Variants in DENND1B observed in about 807,000 individuals in gnomAD.
DENND1B encodes DENN domain containing 1B, also known as DENN domain-containing protein 1B.
DENND1B carries 59 observed loss-of-function variants against 90.1 expected under a neutral mutation model. The ratio of observed to expected loss-of-function variants is 0.65; its 90% CI spans 0.53 to 0.81. DENND1B has a LOEUF of 0.81. DENND1B is among the 40% of genes least tolerant of loss of function. The probability of loss-of-function intolerance (pLI) is 0.00; values close to 1 mark genes in which losing one functional copy is unlikely to be tolerated. For missense variants in DENND1B, 862 were observed against 912.6 expected (o/e 0.94, Z 0.71); for synonymous variants, 337 against 324.6 (o/e 1.04, Z -0.41).
chr1:197,754,039 C>A (rs866683516), intron 2 of DENND1B, among the ~76,000 whole-genome samples: 10 of 151,404 alleles, frequency 6.6e-5, no homozygotes, highest in African/African-American at 2.4e-4. Flanking sequence ...AAAATAAATT[C>A]TATTTTTAAA....
At chr1:197,544,807 A>AGAAGAG (rs1315743776) in intron 18 of DENND1B, among the ~76,000 whole-genome samples, 1 of 148,690 alleles carries the variant, frequency 6.7e-6, no homozygotes, top group African/African-American at 2.5e-5. Context: ...AGGAAGAAGA[A>AGAAGAG]GAAGAGGAAG....
intron 10 of DENND1B, among the ~76,000 whole-genome samples, chr1:197,622,440 A>G (rs1164338094): frequency 6.6e-6 from 1 of 151,490 alleles, no homozygotes; most frequent in African/African-American, 2.4e-5. Flanking sequence ...ACTGCCTTCA[A>G]TATACAAAGA....
At chr1:197,595,817 T>C (rs1185542707) in intron 13 of DENND1B, among the ~76,000 whole-genome samples, 1 of 152,134 alleles carries the variant, frequency 6.6e-6, no homozygotes, top group Admixed American at 6.6e-5. Context: ...GTTTTTGTCA[T>C]TATGAGATAA....
At chr1:197,691,872 A>G (rs1657923264) in intron 3 of DENND1B, among the ~76,000 whole-genome samples, 1 of 151,992 alleles carries the variant, frequency 6.6e-6, no homozygotes, top group Non-Finnish European at 1.5e-5. Context: ...AAAGACAAAT[A>G]CTGCATGATT....
chr1:197,765,072 C>T (rs535695164), intron 2 of DENND1B, among the ~76,000 whole-genome samples: 7 of 152,312 alleles, frequency 4.6e-5, no homozygotes, highest in Middle Eastern at 6.8e-3. Context: ...TGTTATTCTA[C>T]TCTTCTCTTA....
rs1279083310 is a variant in DENND1B at position 197,592,758 on chromosome 1, G to A, written c.1047+2450C>T. 5.3e-5 allele frequency among the ~76,000 whole-genome samples: 8 copies of A among 152,226 alleles called. 1 individual carries two copies. In the South Asian group the frequency reaches 1.7e-3, roughly 32 times the overall value. On this transcript the variant is annotated intron_variant, in intron 14 of 22. Coordinates refer to ENST00000620048, the MANE Select transcript of DENND1B (RefSeq NM_001195215.2). Reference sequence around the variant, plus strand: ...GGCCTTGAATGCCAGGTGAAGAGATGGCACCTGAGACTGATCTGTCATTGG... The same window carrying A: ...GGCCTTGAATGCCAGGTGAAGAGATAGCACCTGAGACTGATCTGTCATTGG...
At chr1:197,695,337 G>T (rs1036614148) in intron 3 of DENND1B, among the ~76,000 whole-genome samples, 1 of 150,718 alleles carries the variant, frequency 6.6e-6, no homozygotes, top group African/African-American at 2.4e-5. Flanking sequence ...CCACTATAGT[G>T]GTTGTATGTA....
chr1:197,625,990 C>G (rs1257835941), intron 10 of DENND1B, among the ~76,000 whole-genome samples: 1 of 152,110 alleles, frequency 6.6e-6, no homozygotes, highest in Non-Finnish European at 1.5e-5. Flanking sequence ...AATACATATG[C>G]ACCCAATACA....
At chr1:197,771,622 G>T (rs1656628465) in intron 2 of DENND1B, among the ~76,000 whole-genome samples, 1 of 152,112 alleles carries the variant, frequency 6.6e-6, no homozygotes, top group African/African-American at 2.4e-5. Context: ...ACCACAACTG[G>T]GTTGGGCTTC....
chr1:197,577,382 C>T (rs1358428811), intron 15 of DENND1B, among the ~76,000 whole-genome samples: 1 of 152,018 alleles, frequency 6.6e-6, no homozygotes, highest in African/African-American at 2.4e-5. Flanking sequence ...ATACAGCCAC[C>T]CCCCATACTC....
rs182905098 is a variant in DENND1B, at chr1:197,537,639, G to A, written c.1515+2325C>T. On this transcript the variant is annotated intron_variant, in intron 20 of 22. Transcript: ENST00000620048. ...GCAGTAATCATTTCGTTATGTATAT[G>A]TATATCAAAACATCATGTTATACAC... 1.2e-3 allele frequency among the ~76,000 whole-genome samples: 175 copies of A among 151,924 alleles called. 1 individual carries two copies. Among genetic ancestry groups the A allele is most frequent in the Admixed American group, 1.6e-3 (25 of 15,256 alleles).
rs536326424 is a variant in DENND1B at position 197,549,191 on chromosome 1, A to C, written c.1241-2418T>G. 2.0e-5 allele frequency among the ~76,000 whole-genome samples: 3 copies of C among 152,236 alleles called. No homozygotes were observed. The South Asian group carries it at 6.2e-4, about 32-fold the overall frequency. On this transcript the variant is annotated intron_variant, in intron 16 of 22. Transcript: ENST00000620048. ...TGATTTTCTCACACTTAAGGACAAAATATCTATTTCTCATTTATGCCAAGA... is the reference window on the plus strand; with the variant it reads ...TGATTTTCTCACACTTAAGGACAAACTATCTATTTCTCATTTATGCCAAGA...
intron 11 of DENND1B, among the ~76,000 whole-genome samples, chr1:197,616,071 T>C (rs912387066): frequency 6.6e-6 from 1 of 151,014 alleles, no homozygotes; most frequent in African/African-American, 2.4e-5. Flanking sequence ...TTACAGATAA[T>C]TGAACTTAAT....
chr1:197,763,627 CTTAA>C (rs1393393610), intron 2 of DENND1B, among the ~76,000 whole-genome samples: 1 of 152,170 alleles, frequency 6.6e-6, no homozygotes, highest in Admixed American at 6.6e-5. Context: ...ATTCTTTACT[CTTAA>C]TTATTCACAC....
chr1:197,590,257 C>T lies in DENND1B; in HGVS notation c.1047+4951G>A, dbSNP rs564777729. Among the ~76,000 whole-genome samples, 10 of 152,066 alleles carry T rather than the reference C, an allele frequency of 6.6e-5. No homozygotes were observed. In the South Asian group the frequency reaches 1.0e-3, roughly 16 times the overall value. On this transcript the variant is annotated intron_variant, in intron 14 of 22. Coordinates refer to ENST00000620048, the MANE Select transcript of DENND1B (RefSeq NM_001195215.2). ...CATCATTACTTTTTTTTAACAAATG[C>T]GAACACCAAAGCACTAATAGGTTAA...
upstream of DENND1B, among the ~76,000 whole-genome samples, chr1:197,777,834 C>G (rs1049348533): frequency 4.0e-5 from 6 of 151,892 alleles, no homozygotes; most frequent in Admixed American, 3.9e-4. Flanking sequence ...TTAAATGTTT[C>G]AAGACTTAAA....
intron 6 of DENND1B, among the ~76,000 whole-genome samples, chr1:197,653,306 G>A (rs759145569): frequency 6.6e-6 from 1 of 152,054 alleles, no homozygotes; most frequent in Non-Finnish European, 1.5e-5. Context: ...GGCTCATATG[G>A]TTGTTTTAGA....
At chr1:197,578,184 T>C (rs1673861465) in intron 15 of DENND1B, among the ~76,000 whole-genome samples, 1 of 152,168 alleles carries the variant, frequency 6.6e-6, no homozygotes, top group African/African-American at 2.4e-5. Flanking sequence ...CCACAGTTAA[T>C]ACTAATGTAT....
chr1:197,734,233 A>G (rs1183109534), intron 2 of DENND1B: 1 of 897,292 alleles, frequency 1.1e-6, no homozygotes, highest in East Asian at 1.2e-4. Flanking sequence ...AAGAGTATAT[A>G]AACCAAACCA....
Sources: allele counts gnomAD v4.1 joint callset (sites outside exome capture counted in the v4.1 genomes callset), GRCh38; gene constraint gnomAD v4.1.1; transcripts MANE v1.5; gene names NCBI Gene and HGNC (gene_info 2026-07-23, HGNC 2026-07-21).